SF3B3: variants seen among roughly 807,000 people sequenced by gnomAD.
SF3B3 encodes splicing factor 3b subunit 3.
In SF3B3, 33 loss-of-function variants were observed where a neutral mutation model predicts 139.2. The observed-to-expected ratio is 0.24, with a 90% confidence interval of 0.18 to 0.32. SF3B3 has a LOEUF of 0.32. SF3B3 is among the 10% of genes least tolerant of loss of function. The probability of loss-of-function intolerance (pLI) is 1.00; values close to 1 mark genes in which losing one functional copy is unlikely to be tolerated. For missense variants in SF3B3, 818 were observed against 1,509.4 expected, an observed-to-expected ratio of 0.54 and a Z score of 7.59; for synonymous variants, 596 against 563.6, an observed-to-expected ratio of 1.06 and a Z score of -0.81.
chr16:70,561,350 A>G (rs2050427408), intron 16 of SF3B3: 1 of 284,508 alleles, frequency 3.5e-6, no homozygotes, highest in Non-Finnish European at 6.5e-6. Context: ...GCAGCTGTCC[A>G]GCCTTGTGGT....
intron 1 of SF3B3, among the ~76,000 whole-genome samples, chr16:70,525,492 G>A (rs920930653): frequency 6.6e-6 from 1 of 151,530 alleles, no homozygotes; most frequent in South Asian, 2.1e-4. Flanking sequence ...AAAGGGGAAA[G>A]TAGACTGTTT....
chr16:70,573,927 A>G lies in SF3B3; in HGVS notation c.*2114A>G, dbSNP rs977320078. ...GTTTCCTTTGGAAGATCTCTTGCCA[A>G]GAATAGCATTCCTTTGGAGGAGGGG... On this transcript the variant is annotated 3_prime_UTR_variant, in exon 26 of 26. Coordinates refer to ENST00000302516, the MANE Select transcript of SF3B3 (RefSeq NM_012426.5). 1 of 152,322 alleles carries G rather than the reference A, an allele frequency of 6.6e-6. No individual in the cohort carries two copies. The highest frequency in any genetic ancestry group is 3.4e-3 in the Middle Eastern group (1 of 294). The allele number at this position is 152,322 out of a possible 1,614,324, so 9.4% of individuals were successfully genotyped here. A position where few individuals can be genotyped will look rare whatever the true frequency, so the allele number is the denominator to read the frequency against.
chr16:70,540,404 G>T (rs1165723165), intron 8 of SF3B3, among the ~76,000 whole-genome samples: 2 of 151,786 alleles, frequency 1.3e-5, no homozygotes, highest in African/African-American at 4.8e-5. Flanking sequence ...TTGTTTGTTT[G>T]TTTAAGACAG....
At chr16:70,534,318 G>T (rs1471510395) in intron 5 of SF3B3, among the ~76,000 whole-genome samples, 1 of 152,208 alleles carries the variant, frequency 6.6e-6, no homozygotes, top group Non-Finnish European at 1.5e-5. Flanking sequence ...AGGGACTGGG[G>T]TAGGAGTAGG....
Position 70,567,266 on chromosome 16 carries a change from A to G in SF3B3, c.2827-145A>G, listed in dbSNP as rs2050485669. ...CAGCATGCGGAACTTGTTCACCCCA[A>G]CACCCAGATTCATTAGCAAAATAAG... On this transcript the variant is annotated intron_variant, in intron 20 of 25. Coordinates refer to ENST00000302516, the MANE Select transcript of SF3B3 (RefSeq NM_012426.5). 4.8e-6 allele frequency: 4 copies of G among 841,426 alleles called. No individual in the cohort carries two copies. The African/African-American group carries it at 5.1e-5, about 11-fold the overall frequency. The allele number at this position is 841,426 out of a possible 1,614,324, so 52.1% of individuals were successfully genotyped here.
intron 12 of SF3B3, 33 bp from the exon 13 acceptor site, chr16:70,555,018 T>TA: frequency 6.2e-7 from 1 of 1,605,104 alleles, no homozygotes; most frequent in South Asian, 1.1e-5. Context: ...ATCAAATTGT[T>TA]AAAGTCAGGT....
At chr16:70,570,242 A>G (rs1277366657) in intron 24 of SF3B3, 93 bp downstream of exon 24, 4 of 1,199,280 alleles carry the variant, frequency 3.3e-6, no homozygotes, top group East Asian at 2.4e-5. Context: ...GTCCCCACAT[A>G]TAATTAATAA....
intron 12 of SF3B3, 41 bp downstream of exon 12, chr16:70,554,638 C>T (rs765456014): frequency 2.5e-6 from 4 of 1,605,312 alleles, no homozygotes; most frequent in Non-Finnish European, 2.6e-6. Context: ...CTGCTTTGTT[C>T]TTTCTTGGCC....
chr16:70,562,569 T>G (rs1311086982), intron 17 of SF3B3, among the ~76,000 whole-genome samples: 1 of 152,192 alleles, frequency 6.6e-6, no homozygotes, highest in Non-Finnish European at 1.5e-5. Context: ...TTTTTTAATC[T>G]CTACCTGTGC....
chr16:70,532,421 C>T, intron 4 of SF3B3, 58 bp from the exon 5 acceptor site: 1 of 1,513,320 alleles, frequency 6.6e-7, no homozygotes, highest in South Asian at 1.1e-5. Flanking sequence ...TCCTGATGTC[C>T]TTTCCAGATC....
rs750493006 is a variant in SF3B3, at chr16:70,565,157, T to C, written c.2556T>C (p.Phe852=). ...FLNENLPESI[F]GAPKAGNGQW... The stretch of plus-strand genomic sequence containing the variant: ...ATGAAAACCTCCCTGAATCCATCTT[T>C]GGAGCTCCCAAGGCTGGCAATGGGC... Residue 852 remains phenylalanine, a synonymous_variant, in exon 19 of 26, where the codon TTT becomes TTC. Transcript: ENST00000302516. 1.2e-6 allele frequency: 2 copies of C among 1,614,232 alleles called. No individual in the cohort carries two copies. Among genetic ancestry groups the C allele is most frequent in the African/African-American group, 1.3e-5 (1 of 75,056 alleles).
At chr16:70,568,681 C>T (rs985047061) in intron 22 of SF3B3, among the ~76,000 whole-genome samples, 186 bp downstream of exon 22, 1 of 152,156 alleles carries the variant, frequency 6.6e-6, no homozygotes, top group Non-Finnish European at 1.5e-5. Flanking sequence ...GGATTTTTCT[C>T]TGTGGTTTAT....
intron 4 of SF3B3, among the ~76,000 whole-genome samples, chr16:70,531,903 C>T (rs1262268212): frequency 2.0e-5 from 3 of 152,228 alleles, no homozygotes; most frequent in African/African-American, 4.8e-5. Flanking sequence ...TAAACTTTGT[C>T]AAACTATTTG....
chr16:70,560,076 C>T (rs1228992280), intron 15 of SF3B3, among the ~76,000 whole-genome samples: 2 of 152,178 alleles, frequency 1.3e-5, no homozygotes, highest in African/African-American at 4.8e-5. Context: ...ATTCTTGCCC[C>T]TGCCCCAAAC....
Position 70,556,967 on chromosome 16 carries a change from A to AC in SF3B3, c.1948_1949insC (p.Lys650ThrfsTer4). The AC allele has an allele frequency of 6.2e-7, 1 of 1,614,084 alleles. No individual in the cohort carries two copies. The stretch of plus-strand genomic sequence containing the variant: ...TATCGTGGAAATGGGTGGGACTGAG[A>AC]AGCAGGATGAGCTGGGTGAGAGGGG... On this transcript the variant is annotated frameshift_variant, in exon 15 of 26. Transcript: ENST00000302516. LOFTEE classifies it high-confidence loss of function.
chr16:70,528,652 C>G (rs540627944), intron 2 of SF3B3, among the ~76,000 whole-genome samples: 3 of 151,404 alleles, frequency 2.0e-5, no homozygotes, highest in South Asian at 2.1e-4. Flanking sequence ...GAGTTTTGCT[C>G]TGTTGCCCAG....
At chr16:70,532,069 G>C (rs570755076) in intron 4 of SF3B3, among the ~76,000 whole-genome samples, 2 of 152,304 alleles carry the variant, frequency 1.3e-5, no homozygotes, top group African/African-American at 4.8e-5. Flanking sequence ...GAGGCGGGCA[G>C]ATCACCTGAG....
At chr16:70,569,311 C>T (rs1026427447) in intron 23 of SF3B3, among the ~76,000 whole-genome samples, 170 bp downstream of exon 23, 6 of 152,182 alleles carry the variant, frequency 3.9e-5, no homozygotes, top group Admixed American at 2.0e-4. Flanking sequence ...TGGAGAGTAG[C>T]GAGTTTCTTA....
Position 70,531,680 on chromosome 16 carries a change from G to A in SF3B3, c.570+763G>A, listed in dbSNP as rs547728368. On this transcript the variant is annotated intron_variant, in intron 4 of 25. Coordinates refer to ENST00000302516, the MANE Select transcript of SF3B3 (RefSeq NM_012426.5). ...TCAGAGGTTAAGCAACTATTTAATA[G>A]TCTTTCTCTGATTTAAGTAATCTCC... Among the ~76,000 whole-genome samples, 3 of 152,340 alleles carry A rather than the reference G, an allele frequency of 2.0e-5. No homozygotes were observed. The East Asian group carries it at 5.8e-4, about 29-fold the overall frequency.
Sources: gnomAD v4.1 joint callset for allele counts (sites outside exome capture counted in the v4.1 genomes callset) on GRCh38, gnomAD v4.1.1 for gene constraint, MANE v1.5 for transcripts, NCBI Gene and HGNC (gene_info 2026-07-23, HGNC 2026-07-21) for gene names.